FRMPD1: variants seen among roughly 807,000 people sequenced by gnomAD.
The protein encoded by FRMPD1 is FERM and PDZ domain-containing protein 1.
Under a neutral mutation model 117.8 loss-of-function variants are expected in FRMPD1, and 76 were observed. The ratio of observed to expected loss-of-function variants is 0.65; its 90% CI spans 0.54 to 0.78. The LOEUF is 0.78. Among genes scored for constraint, FRMPD1 ranks in the 30% least tolerant of loss-of-function variants. FRMPD1 has a pLI of 0.00. For missense variants in FRMPD1, 1,786 were observed against 1,964.5 expected (o/e 0.91, Z 1.72); for synonymous variants, 783 against 770.4 (o/e 1.02, Z -0.27).
the FRMPD1 span, chr9:37,637,029 C>A: frequency 6.4e-7 from 1 of 1,550,410 alleles, no homozygotes; most frequent in African/African-American, 1.4e-5. Flanking sequence ...TCAGTGACGT[C>A]ATATACCACG....
intron 7 of FRMPD1, 116 bp downstream of exon 7, chr9:37,724,436 C>T (rs1288468022): frequency 8.8e-6 from 5 of 570,720 alleles, no homozygotes; most frequent in African/African-American, 1.9e-5. Context: ...GTGGTCTGAG[C>T]CCCTGTAATA....
At chr9:37,717,339 A>ATGTGTGTGTGTGTGTGTGTGTG (rs1202375364) in intron 5 of FRMPD1, among the ~76,000 whole-genome samples, 1 of 84,422 alleles carries the variant, frequency 1.2e-5, no homozygotes, top group African/African-American at 3.8e-5. Flanking sequence ...GTATGTGTAT[A>ATGTGTGTGTGTGTGTGTGTGTG]TATGTGTGTG....
At chr9:37,705,892 G>T (rs746439924) in intron 2 of FRMPD1, among the ~76,000 whole-genome samples, 1 of 151,688 alleles carries the variant, frequency 6.6e-6, no homozygotes, top group African/African-American at 2.4e-5. Flanking sequence ...CATGAGAACC[G>T]CTTGAACCAG....
chr9:37,744,807 C>T lies in FRMPD1; in HGVS notation c.2775C>T (p.Pro925=), dbSNP rs142763511. 8.9e-4 allele frequency: 1,438 copies of T among 1,614,150 alleles called. 1 individual carries two copies. Among genetic ancestry groups the T allele is most frequent in the Non-Finnish European group, 1.1e-3 (1,326 of 1,180,004 alleles). The part of the protein sequence containing the change: ...NPASRVMEME[P]ETMETKSVID... The stretch of plus-strand genomic sequence containing the variant: ...CCTCCAGGGTCATGGAGATGGAGCC[C>T]GAGACCATGGAAACCAAATCAGTCA... Residue 925 remains proline (P), a synonymous_variant, in exon 16 of 16, where the codon CCC becomes CCT. Transcript: ENST00000377765.
intron 7 of FRMPD1, 48 bp from the exon 8 acceptor site, chr9:37,729,680 G>C: frequency 6.2e-7 from 1 of 1,601,964 alleles, no homozygotes; most frequent in South Asian, 1.1e-5. Flanking sequence ...GGCCAGGGAA[G>C]TCCTTCCTGT....
chr9:37,731,186 C>T, intron 9 of FRMPD1, 83 bp downstream of exon 9: 1 of 1,226,070 alleles, frequency 8.2e-7, no homozygotes, highest in Non-Finnish European at 1.2e-6. Flanking sequence ...GAGCTCGAGG[C>T]CATTAAACAA....
chr9:37,677,466 T>C (rs1375619620), intron 1 of FRMPD1, among the ~76,000 whole-genome samples: 3 of 152,236 alleles, frequency 2.0e-5, no homozygotes, highest in South Asian at 2.1e-4. Context: ...TTGAGGACTT[T>C]CTTTGTGCCA....
rs111410002 is a variant in FRMPD1 at position 37,698,853 on chromosome 9, C to T, written c.101+6111C>T. Among the ~76,000 whole-genome samples, 62 of 152,308 alleles carry T rather than the reference C, an allele frequency of 4.1e-4. 1 individual carries two copies. In the Middle Eastern group the frequency reaches 0.017, roughly 42 times the overall value. On this transcript the variant is annotated intron_variant, in intron 2 of 15. Coordinates refer to ENST00000377765, the MANE Select transcript of FRMPD1 (RefSeq NM_014907.3). ...TCATAGGTTCAAGTGATTCTCCTGC[C>T]TCAGCCTCCCGAGTAGCTGGGGTTG...
chr9:37,694,621 C>A (rs767581680), intron 2 of FRMPD1, among the ~76,000 whole-genome samples: 1 of 152,156 alleles, frequency 6.6e-6, no homozygotes, highest in Non-Finnish European at 1.5e-5. Context: ...GATCTCAGCT[C>A]ACCTGCAGCC....
intron 2 of FRMPD1, among the ~76,000 whole-genome samples, chr9:37,698,678 C>T (rs1822420459): frequency 6.7e-6 from 1 of 150,292 alleles, no homozygotes; most frequent in Admixed American, 6.7e-5. Context: ...TCTCCTGCCT[C>T]AGTCGCCCGC....
At chr9:37,677,528 G>A (rs1563927460) in intron 1 of FRMPD1, among the ~76,000 whole-genome samples, 1 of 152,222 alleles carries the variant, frequency 6.6e-6, no homozygotes, top group Non-Finnish European at 1.5e-5. Flanking sequence ...TGGGGCAGGT[G>A]AAGTCAGCCC....
the FRMPD1 span, among the ~76,000 whole-genome samples, chr9:37,629,766 T>C: frequency 1.3e-5 from 2 of 152,194 alleles, no homozygotes; most frequent in Non-Finnish European, 2.9e-5. Context: ...TTAGAGTATT[T>C]AGAGTTCTCT....
intron 5 of FRMPD1, among the ~76,000 whole-genome samples, chr9:37,717,329 GTA>G (rs1228668857): frequency 3.1e-4 from 40 of 128,830 alleles, no homozygotes; most frequent in African/African-American, 9.1e-4. Flanking sequence ...GTGTGTGTGT[GTA>G]TGTGTATATA....
At chr9:37,684,932 T>G (rs1821868452) in intron 1 of FRMPD1, among the ~76,000 whole-genome samples, 1 of 152,092 alleles carries the variant, frequency 6.6e-6, no homozygotes, top group Admixed American at 6.5e-5. Context: ...TTTTTTTATT[T>G]TCAGTACACA....
chr9:37,697,266 A>G (rs983080809), intron 2 of FRMPD1, among the ~76,000 whole-genome samples: 1 of 152,222 alleles, frequency 6.6e-6, no homozygotes, highest in Admixed American at 6.5e-5. Flanking sequence ...TCATATTCCA[A>G]CGGAAAAATA....
chr9:37,654,959 C>G (rs1820795676), intron 1 of FRMPD1, among the ~76,000 whole-genome samples: 1 of 152,144 alleles, frequency 6.6e-6, no homozygotes, highest in Non-Finnish European at 1.5e-5. Flanking sequence ...ACAGTAGACC[C>G]TTCTTTAGGA....
the FRMPD1 span, among the ~76,000 whole-genome samples, chr9:37,608,107 G>A: frequency 1.1e-4 from 17 of 152,298 alleles, no homozygotes; most frequent in South Asian, 6.2e-4. Context: ...CCTGTGTCAC[G>A]AAGGCTACGT....
In FRMPD1 at chr9:37,714,620, ATTTTGTTTTG is replaced by A. The variant is rs145956121; in HGVS notation, c.408+3230_408+3239del. ...ATTTTATTTTATTTTATTTTATTTT[ATTTTGTTTTG>A]TTTTATTTTATTTTATCTTATTTTA... On this transcript the variant is annotated intron_variant, in intron 5 of 15. Transcript: ENST00000377765. Among the ~76,000 whole-genome samples the A allele has an allele frequency of 1.7e-3, 230 of 133,110 alleles. 2 individuals are homozygous for A. The highest frequency in any genetic ancestry group is 6.9e-3 in the African/African-American group (210 of 30,234). 87.3% of individuals were successfully genotyped at this position (133,110 alleles called of 152,430 possible).
At chr9:37,618,463 CTT>C in the FRMPD1 span, among the ~76,000 whole-genome samples, 5 of 152,126 alleles carry the variant, frequency 3.3e-5, no homozygotes, top group Non-Finnish European at 7.4e-5. Context: ...CTCCTTGTCT[CTT>C]TTCTCATCCA....
Sources: gnomAD v4.1 joint callset for allele counts (sites outside exome capture counted in the v4.1 genomes callset) on GRCh38, gnomAD v4.1.1 for gene constraint, MANE v1.5 for transcripts, NCBI Gene and HGNC (gene_info 2026-07-23, HGNC 2026-07-21) for gene names.